Variants in MDH1B observed in about 807,000 individuals in gnomAD.
The protein encoded by MDH1B is malate dehydrogenase 1B.
In MDH1B, 60 loss-of-function variants were observed where a neutral mutation model predicts 61.4. That is an observed-to-expected ratio of 0.98 (90% CI 0.79 to 1.21). The LOEUF (loss-of-function observed/expected upper bound fraction) is 1.21. Ranked by LOEUF, MDH1B falls within the 50% of genes most tolerant of loss-of-function variation. MDH1B has a pLI of 0.00. For synonymous variants in MDH1B, 236 were observed against 218.7 expected, an observed-to-expected ratio of 1.08 and a Z score of -0.70; for missense variants, 587 against 632.1, an observed-to-expected ratio of 0.93 and a Z score of 0.76.
At chr2:206,756,667 G>C in intron 4 of MDH1B, 1 of 492,640 alleles carries the variant, frequency 2.0e-6, no homozygotes. Context: ...TTTAGACCAA[G>C]TGACTGTGTT....
chr2:206,739,368 C>A (rs372760043), intron 11 of MDH1B, among the ~76,000 whole-genome samples: 24 of 151,898 alleles, frequency 1.6e-4, no homozygotes, highest in African/African-American at 5.3e-4. Flanking sequence ...GAGCTGTAAC[C>A]GCACCACTGC....
chr2:206,743,107 G>T (rs1176201658), intron 9 of MDH1B, among the ~76,000 whole-genome samples: 1 of 152,112 alleles, frequency 6.6e-6, no homozygotes, highest in Non-Finnish European at 1.5e-5. Context: ...ACACAGAGTT[G>T]GATCAGGCTG....
At chr2:206,741,542 A>G (rs529354163) in intron 9 of MDH1B, among the ~76,000 whole-genome samples, 81 of 152,210 alleles carry the variant, frequency 5.3e-4, no homozygotes, top group African/African-American at 2.0e-3. Context: ...CCTAGCCTAC[A>G]TTTTTCTCCC....
At chr2:206,765,224 T>G (rs1348127993) in intron 1 of MDH1B, 26 bp downstream of exon 1, 5 of 1,601,110 alleles carry the variant, frequency 3.1e-6, no homozygotes, top group Non-Finnish European at 8.5e-7. Context: ...TTGAGCAATC[T>G]GCGGGCGGAC....
At chr2:206,739,268 T>G (rs568264433) in intron 11 of MDH1B, among the ~76,000 whole-genome samples, 1 of 151,968 alleles carries the variant, frequency 6.6e-6, no homozygotes, top group African/African-American at 2.4e-5. Context: ...AATTAAAAAT[T>G]AGTTGGGAGT....
chr2:206,765,131 A>C, intron 1 of MDH1B, 119 bp downstream of exon 1: 1 of 1,301,432 alleles, frequency 7.7e-7, no homozygotes. Context: ...AAAACTTTGA[A>C]TAAATCTATA....
intron 5 of MDH1B, among the ~76,000 whole-genome samples, chr2:206,751,733 C>T (rs952321944): frequency 6.6e-6 from 1 of 151,916 alleles, no homozygotes; most frequent in Non-Finnish European, 1.5e-5. Context: ...TTATACAAAG[C>T]GATACATGCT....
Position 206,755,362 on chromosome 2 carries a change from T to C in MDH1B, c.557A>G (p.Asp186Gly), listed in dbSNP as rs1459885708. The C allele has an allele frequency of 5.0e-6, 8 of 1,614,192 alleles. No individual in the cohort carries two copies. Among genetic ancestry groups the C allele is most frequent in the Non-Finnish European group, 6.8e-6 (8 of 1,180,036 alleles). ...HLKSLVVETQ[D>G]LASPVLRSVS... ...ACTGCGCAGGACGGGAGATGCCAGG[T>C]CTTGGGTCTCCACCACAAGGCTTTT... The change falls in exon 5 of 12, where the codon GAC (aspartate) becomes GGC (glycine). Residue 186 changes from aspartate (D) to glycine (G), a missense_variant. Transcript: ENST00000374412.
intron 8 of MDH1B, among the ~76,000 whole-genome samples, 163 bp downstream of exon 8, chr2:206,746,124 T>C (rs1199558471): frequency 6.6e-6 from 1 of 152,182 alleles, no homozygotes; most frequent in African/African-American, 2.4e-5. Flanking sequence ...ACTAAATGAG[T>C]AGTGTTCCTT....
intron 9 of MDH1B, chr2:206,741,505 T>C (rs1687808365): frequency 4.8e-6 from 1 of 208,948 alleles, no homozygotes; most frequent in Non-Finnish European, 9.7e-6. Context: ...GGAAGAAAAA[T>C]GTGAAAAGGT....
intron 2 of MDH1B, 56 bp downstream of exon 2, chr2:206,760,845 A>C (rs1285066067): frequency 9.9e-7 from 1 of 1,006,038 alleles, no homozygotes; most frequent in Non-Finnish European, 1.6e-6. Context: ...ATATTTAATC[A>C]AATTAAAACA....
At chr2:206,752,449 G>C (rs1434027054) in intron 5 of MDH1B, among the ~76,000 whole-genome samples, 1 of 150,344 alleles carries the variant, frequency 6.7e-6, no homozygotes, top group East Asian at 2.0e-4. Flanking sequence ...CCATCGGAAT[G>C]ATTCCTGCAG....
chr2:206,757,777 T>A (rs905278470), intron 2 of MDH1B, among the ~76,000 whole-genome samples: 11 of 152,248 alleles, frequency 7.2e-5, no homozygotes, highest in Admixed American at 1.3e-4. Context: ...ATACTTTTTT[T>A]AAAATCTGTG....
chr2:206,750,878 C>T lies in MDH1B; in HGVS notation c.1052+56G>A, dbSNP rs151054746. The T allele has an allele frequency of 4.6e-4, 630 of 1,382,624 alleles. 2 individuals carry two copies. In the African/African-American group the frequency reaches 7.7e-3, roughly 17 times the overall value. The allele number at this position is 1,382,624 out of a possible 1,614,324, so 85.6% of individuals were successfully genotyped here. ...TATGAGATGATTTAAAAGATTACAACCATTAAACATTTATTTTAACATTGT... is the reference window on the plus strand; with the variant it reads ...TATGAGATGATTTAAAAGATTACAATCATTAAACATTTATTTTAACATTGT... On this transcript the variant is annotated intron_variant, in intron 6 of 11. Coordinates refer to ENST00000374412, the MANE Select transcript of MDH1B (RefSeq NM_001039845.3).
intron 5 of MDH1B, among the ~76,000 whole-genome samples, chr2:206,754,207 A>T (rs569646293): frequency 6.6e-6 from 1 of 152,344 alleles, no homozygotes; most frequent in East Asian, 1.9e-4. Flanking sequence ...AACTGGGAAC[A>T]TTCTAGGCTC....
intron 10 of MDH1B, among the ~76,000 whole-genome samples, chr2:206,740,380 T>A (rs897369320): frequency 2.0e-5 from 3 of 152,192 alleles, no homozygotes; most frequent in African/African-American, 7.2e-5. Context: ...ATATTTACTA[T>A]TCATTAAGTG....
chr2:206,763,888 A>AT (rs1689257155), intron 1 of MDH1B, among the ~76,000 whole-genome samples: 1 of 124,226 alleles, frequency 8.0e-6, no homozygotes, highest in Admixed American at 7.9e-5. Flanking sequence ...CCCTTACCTG[A>AT]TTAAGTAAGG....
chr2:206,762,164 C>T (rs1405367231), intron 1 of MDH1B, among the ~76,000 whole-genome samples: 3 of 148,120 alleles, frequency 2.0e-5, no homozygotes, highest in African/African-American at 7.9e-5. Flanking sequence ...CTTCTGTTCT[C>T]CTCATTACTA....
In MDH1B at chr2:206,755,388, G is replaced by C. The variant is rs758040362; in HGVS notation, c.531C>G (p.Leu177=). 2.5e-6 allele frequency: 4 copies of C among 1,614,086 alleles called. No homozygotes were observed. Among genetic ancestry groups the C allele is most frequent in the Non-Finnish European group, 3.4e-6 (4 of 1,180,044 alleles). The change falls in exon 5 of 12, where the codon CTC becomes CTG. Residue 177 remains leucine (L), a synonymous_variant. Coordinates refer to ENST00000374412, the MANE Select transcript of MDH1B (RefSeq NM_001039845.3). ...CTTGGGTCTCCACCACAAGGCTTTT[G>C]AGATGTTCTTCCGCCTGCTTGTTGT... is the stretch of plus-strand genomic sequence containing the variant. ...LFDNKQAEEH[L]KSLVVETQDL...
Sources: allele counts gnomAD v4.1 joint callset (sites outside exome capture counted in the v4.1 genomes callset), GRCh38; gene constraint gnomAD v4.1.1; transcripts MANE v1.5; gene names NCBI Gene and HGNC (gene_info 2026-07-23, HGNC 2026-07-21).